The following IL1R2 variants were observed in gnomAD, a reference collection of about 807,000 sequenced individuals.
IL1R2 encodes interleukin 1 receptor type 2, also known as interleukin-1 receptor type 2.
Under a neutral mutation model 39.5 loss-of-function variants are expected in IL1R2, and 46 were observed. The observed-to-expected ratio is 1.16, with a 90% confidence interval of 0.92 to 1.49. The LOEUF is 1.49. IL1R2 is among the 40% of genes most tolerant of loss of function. IL1R2 has a pLI of 0.00. For missense variants in IL1R2, 537 were observed against 502.0 expected (o/e 1.07, Z -0.67); for synonymous variants, 207 against 189.6 (o/e 1.09, Z -0.75).
intron 1 of IL1R2, among the ~76,000 whole-genome samples, chr2:101,994,352 G>A (rs548954966): frequency 2.2e-4 from 33 of 152,252 alleles, no homozygotes; most frequent in African/African-American, 6.0e-4. Flanking sequence ...AGCAGAGTTG[G>A]CCTCTAGCAG....
At chr2:102,004,161 A>C (rs1368477452) in intron 1 of IL1R2, among the ~76,000 whole-genome samples, 1 of 152,212 alleles carries the variant, frequency 6.6e-6, no homozygotes, top group Non-Finnish European at 1.5e-5. Flanking sequence ...TTGTCATACT[A>C]TGCTTTCAAC....
intron 4 of IL1R2, among the ~76,000 whole-genome samples, chr2:102,018,002 T>C (rs1677117919): frequency 6.6e-6 from 1 of 152,218 alleles, no homozygotes; most frequent in South Asian, 2.1e-4. Flanking sequence ...ATATAGGATA[T>C]TGATTTAATA....
chr2:102,000,449 A>G (rs1190083805), intron 1 of IL1R2, among the ~76,000 whole-genome samples: 2 of 152,250 alleles, frequency 1.3e-5, no homozygotes, highest in Non-Finnish European at 2.9e-5. Flanking sequence ...GAAGGTGTAG[A>G]CAGACTTCTT....
At chr2:102,027,325 C>T (rs1308683013) in intron 8 of IL1R2, among the ~76,000 whole-genome samples, 1 of 152,064 alleles carries the variant, frequency 6.6e-6, no homozygotes, top group Non-Finnish European at 1.5e-5. Context: ...CAGAATGTTC[C>T]CTCTCGGGGT....
chr2:101,997,196 T>C (rs1255455436), intron 1 of IL1R2, among the ~76,000 whole-genome samples: 1 of 152,150 alleles, frequency 6.6e-6, no homozygotes, highest in Non-Finnish European at 1.5e-5. Context: ...CTGGCGTCTG[T>C]GACTGGGAAA....
intron 1 of IL1R2, among the ~76,000 whole-genome samples, chr2:102,007,092 G>A (rs181841704): frequency 1.7e-4 from 26 of 152,298 alleles, no homozygotes; most frequent in East Asian, 1.2e-3. Flanking sequence ...GTGAACGACC[G>A]TTGTTTCACA....
intron 1 of IL1R2, among the ~76,000 whole-genome samples, chr2:101,997,840 T>G (rs1308249708): frequency 6.6e-6 from 1 of 152,222 alleles, no homozygotes; most frequent in Non-Finnish European, 1.5e-5. Flanking sequence ...TCCCTTTGCC[T>G]TCAGGTTTCA....
chr2:102,026,325 C>A, intron 8 of IL1R2, 72 bp downstream of exon 8: 1 of 1,137,736 alleles, frequency 8.8e-7, no homozygotes, highest in Non-Finnish European at 1.2e-6. Context: ...CTAGACAAAT[C>A]TACTTGTTCT....
At chr2:102,024,123 G>C (rs1248340643) in intron 6 of IL1R2, among the ~76,000 whole-genome samples, 1 of 152,116 alleles carries the variant, frequency 6.6e-6, no homozygotes, top group Non-Finnish European at 1.5e-5. Context: ...AGTCATCTGG[G>C]AATGGAGAGT....
In IL1R2 at chr2:102,026,155, T is replaced by C. The variant is rs144482163; in HGVS notation, c.932T>C (p.Ile311Thr). 1.5e-3 allele frequency: 2,443 copies of C among 1,610,968 alleles called. 19 individuals are homozygous for C. Among genetic ancestry groups the C allele is most frequent in the South Asian group, 0.011 (1,027 of 90,736 alleles). The part of the protein sequence containing the change: ...NNENYIEVPL[I>T]FDPVTREDLH... The stretch of plus-strand genomic sequence containing the variant: ...GAGAACTACATTGAAGTGCCATTGA[T>C]TTTTGATCCTGTCACAAGAGAGGAT... Residue 311 changes from isoleucine (I) to threonine (T), a missense_variant, in exon 8 of 9, where the codon ATT becomes ACT. By Grantham distance (89) the Ile-to-Thr change is moderately conservative (BLOSUM62 -1). Transcript: ENST00000332549.
At chr2:102,003,813 G>T (rs1676080928) in intron 1 of IL1R2, among the ~76,000 whole-genome samples, 1 of 37,510 alleles carries the variant, frequency 2.7e-5, no homozygotes, top group Non-Finnish European at 4.6e-5. Flanking sequence ...TGGCTGTGCT[G>T]TGTCTGTGTC....
In IL1R2 at chr2:102,026,049, A is replaced by G. The variant is rs190822853; in HGVS notation, c.888-62A>G. 8.6e-5 allele frequency: 116 copies of G among 1,349,698 alleles called. No individual in the cohort carries two copies. In the African/African-American group the frequency reaches 1.5e-3, roughly 18 times the overall value. 83.6% of individuals were successfully genotyped at this position (1,349,698 alleles called of 1,614,324 possible). On this transcript the variant is annotated intron_variant, in intron 7 of 8. Coordinates refer to ENST00000332549, the MANE Select transcript of IL1R2 (RefSeq NM_004633.4). ...TAAAGGAGAGTGTTTAGATGTCTAC[A>G]TTGTGAAAGACAAGCTTGCATTCGA...
At position 102,008,592 on chromosome 2, in the gene IL1R2, T is replaced by G. The variant is rs1342172104; in HGVS notation, c.17T>G (p.Val6Gly). The change falls in exon 2 of 9, where the codon GTG (valine) becomes GGG (glycine). Residue 6 changes from valine to glycine, a missense_variant. Physicochemically the swap from Val to Gly is moderately radical, Grantham distance 109 (BLOSUM62 -3). Transcript: ENST00000332549. Reference protein sequence around the residue: MLRLYVLVMGVSAFTL... With the variant: MLRLYGLVMGVSAFTL... ...TCAGGAGCAATGTTGCGCTTGTACGTGTTGGTAATGGGAGTTTCTGCCTTC... is the reference window on the plus strand; with the variant it reads ...TCAGGAGCAATGTTGCGCTTGTACGGGTTGGTAATGGGAGTTTCTGCCTTC... The G allele has an allele frequency of 2.5e-6, 4 of 1,613,980 alleles. No homozygotes were observed. The East Asian group carries it at 8.9e-5, about 36-fold the overall frequency.
At chr2:102,009,983 A>G in intron 3 of IL1R2, 157 bp downstream of exon 3, 2 of 782,014 alleles carry the variant, frequency 2.6e-6, no homozygotes, top group Non-Finnish European at 4.1e-6. Context: ...ACCCCCCCCA[A>G]CCCTACAGTC....
intron 1 of IL1R2, among the ~76,000 whole-genome samples, chr2:101,993,208 T>C (rs1487589517): frequency 6.6e-6 from 1 of 152,158 alleles, no homozygotes; most frequent in Non-Finnish European, 1.5e-5. Context: ...GGTGGTTTTC[T>C]GGGAGAGGTA....
chr2:102,027,663 T>G (rs1677817984), intron 8 of IL1R2, among the ~76,000 whole-genome samples: 1 of 152,346 alleles, frequency 6.6e-6, no homozygotes, highest in African/African-American at 2.4e-5. Flanking sequence ...TCATCAACAA[T>G]GTGTCTGATA....
chr2:102,003,130 C>G (rs1299894608), intron 1 of IL1R2, among the ~76,000 whole-genome samples: 2 of 117,610 alleles, frequency 1.7e-5, no homozygotes, highest in East Asian at 4.9e-4. Context: ...GTGTCTCTGT[C>G]TGTGTCTATG....
intron 4 of IL1R2, among the ~76,000 whole-genome samples, chr2:102,018,701 A>G (rs1677163282): frequency 6.6e-6 from 1 of 152,166 alleles, no homozygotes; most frequent in Admixed American, 6.5e-5. Flanking sequence ...ACCCATAAGG[A>G]TGTTCCCAAG....
chr2:102,016,441 A>G (rs1216571141), intron 4 of IL1R2: 4 of 165,856 alleles, frequency 2.4e-5, no homozygotes, highest in Admixed American at 1.2e-4. Flanking sequence ...TCAACATCAT[A>G]GTGCAAAATA....
Sources: allele counts gnomAD v4.1 joint callset (sites outside exome capture counted in the v4.1 genomes callset), GRCh38; gene constraint gnomAD v4.1.1; transcripts MANE v1.5; gene names NCBI Gene and HGNC (gene_info 2026-07-23, HGNC 2026-07-21).